The following HS6ST2 variants were observed in gnomAD, a reference collection of about 807,000 sequenced individuals.
HS6ST2 encodes the protein heparan-sulfate 6-O-sulfotransferase 2.
In HS6ST2, 17 loss-of-function variants were observed where a neutral mutation model predicts 33.0. The observed-to-expected ratio is 0.52, with a 90% CI of 0.35 to 0.77. The LOEUF (loss-of-function observed/expected upper bound fraction) is 0.77, where lower values mean the gene tolerates loss of function less well. HS6ST2 is among the 30% of genes least tolerant of loss of function. HS6ST2 has a pLI of 0.01. For synonymous variants in HS6ST2, 248 were observed against 237.1 expected, an observed-to-expected ratio of 1.05 and a Z score of -0.42; for missense variants, 519 against 551.7, an observed-to-expected ratio of 0.94 and a Z score of 0.59.
chrX:132,880,431 G>A (rs1342264386), intron 2 of HS6ST2, among the ~76,000 whole-genome samples: 1 of 108,270 alleles, frequency 9.2e-6, no homozygotes, highest in Non-Finnish European at 1.9e-5. Context: ...AGCTACTTGG[G>A]AGGCTGAGGC....
At chrX:132,909,997 C>T (rs916847478) in intron 2 of HS6ST2, among the ~76,000 whole-genome samples, 6 of 110,317 alleles carry the variant, frequency 5.4e-5, no homozygotes, top group East Asian at 2.8e-4. Context: ...ATCAGACGCC[C>T]GCACCCATCC....
intron 2 of HS6ST2, among the ~76,000 whole-genome samples, chrX:132,876,896 G>T (rs1287562710): frequency 8.9e-6 from 1 of 112,268 alleles, no homozygotes; most frequent in Non-Finnish European, 1.9e-5. Flanking sequence ...CTTCTAAAAA[G>T]CCAAGGCAGG....
At chrX:132,716,203 G>T (rs1359640564) in intron 2 of HS6ST2, among the ~76,000 whole-genome samples, 5 of 111,539 alleles carry the variant, frequency 4.5e-5, no homozygotes, top group Admixed American at 3.8e-4. Flanking sequence ...GGCATCATAA[G>T]AGTGCCCTCT....
chrX:132,912,643 T>C lies in HS6ST2; in HGVS notation c.947+44165A>G, dbSNP rs181546547. Among the ~76,000 whole-genome samples the C allele has an allele frequency of 4.2e-3, 472 of 112,074 alleles. 1 individual carries two copies. The highest frequency in any genetic ancestry group is 9.3e-3 in the Middle Eastern group (2 of 214). ...CTTCCATTTGATAAATTTTGTCCCTTTTACTGACCCATTGTAAAATCTCCC... is the reference window on the plus strand; with the variant it reads ...CTTCCATTTGATAAATTTTGTCCCTCTTACTGACCCATTGTAAAATCTCCC... On this transcript the variant is annotated intron_variant, in intron 2 of 4. Transcript: ENST00000370833.
intron 4 of HS6ST2, chrX:132,667,790 C>T (rs1184200489): frequency 8.9e-6 from 1 of 112,293 alleles, no homozygotes; most frequent in Non-Finnish European, 1.9e-5. Flanking sequence ...AAAAGAAGTT[C>T]TGCAATGCCA....
chrX:132,652,701 C>T lies in HS6ST2; in HGVS notation c.1067+16412G>A, dbSNP rs144161055. On this transcript the variant is annotated intron_variant, in intron 4 of 4. Transcript: ENST00000370833. ...TCGGTAGCAATTGAAAATACCAAGT[C>T]TAGTGTTCACCCATCAGGGCATTTT... Among the ~76,000 whole-genome samples the T allele has an allele frequency of 2.1e-3, 229 of 110,154 alleles. 11 individuals carry two copies. The East Asian group carries it at 0.051, about 25-fold the overall frequency.
At chrX:132,899,701 AG>A (rs1348999923) in intron 2 of HS6ST2, among the ~76,000 whole-genome samples, 3 of 111,841 alleles carry the variant, frequency 2.7e-5, no homozygotes, top group African/African-American at 9.7e-5. Context: ...AAGGACCAAA[AG>A]TTTTGCAAAT....
chrX:132,923,870 A>G, intron 2 of HS6ST2, among the ~76,000 whole-genome samples: 1 of 112,322 alleles, frequency 8.9e-6, no homozygotes, highest in East Asian at 2.8e-4. Flanking sequence ...TGCAATTAAA[A>G]AAACAAATCT....
intron 2 of HS6ST2, among the ~76,000 whole-genome samples, chrX:132,810,594 T>A (rs2065331994): frequency 9.0e-6 from 1 of 111,244 alleles, no homozygotes; most frequent in Non-Finnish European, 1.9e-5. Flanking sequence ...TTGCCCTCTT[T>A]GTACACCCCT....
At chrX:132,708,351 G>T in intron 3 of HS6ST2, 111 bp downstream of exon 3, 2 of 149,234 alleles carry the variant, frequency 1.3e-5, no homozygotes, top group Non-Finnish European at 2.3e-5. Context: ...ATTTGTCCAA[G>T]CCAAAAACTT....
chrX:132,715,548 G>A (rs2064265966), intron 2 of HS6ST2, among the ~76,000 whole-genome samples: 1 of 112,458 alleles, frequency 8.9e-6, no homozygotes, highest in Admixed American at 9.4e-5. Flanking sequence ...CCCTGACCCT[G>A]AGACTTTGAG....
At chrX:132,633,897 G>C (rs2063536112) in intron 4 of HS6ST2, among the ~76,000 whole-genome samples, 1 of 111,655 alleles carries the variant, frequency 9.0e-6, no homozygotes, top group East Asian at 2.8e-4. Flanking sequence ...CAACAAGAAG[G>C]GACAGCCTAT....
intron 2 of HS6ST2, among the ~76,000 whole-genome samples, chrX:132,867,376 G>T (rs1267765290): frequency 9.1e-6 from 1 of 109,584 alleles, no homozygotes; most frequent in Non-Finnish European, 1.9e-5. Flanking sequence ...GCTGGATTCG[G>T]TTTGCCAGTA....
At position 132,637,929 on chromosome X, in the gene HS6ST2, T is replaced by TTATATATATTTTATATATAATA. The variant is rs1324355197; in HGVS notation, c.1068-8837_1068-8836insTATTATATATAAAATATATATA. Reference sequence around the variant, plus strand: ...TTATATATAATATTTTATATATATATTATATATAATATTTTATATATAATA... The same window carrying TTATATATATTTTATATATAATA: ...TTATATATAATATTTTATATATATATTATATATATTTTATATATAATATATATATAATATTTTATATATAATA... On this transcript the variant is annotated intron_variant, in intron 4 of 4. Coordinates refer to ENST00000370833, the MANE Select transcript of HS6ST2 (RefSeq NM_001394073.1). Among the ~76,000 whole-genome samples, 139 of 63,503 alleles carry TTATATATATTTTATATATAATA rather than the reference T, an allele frequency of 2.2e-3. 1 individual carries two copies. The highest frequency in any genetic ancestry group is 8.0e-3 in the Middle Eastern group (1 of 125). The allele number at this position is 63,503 out of a possible 115,157, so 55.1% of individuals were successfully genotyped here.
At chrX:132,851,754 A>C (rs779784696) in intron 2 of HS6ST2, among the ~76,000 whole-genome samples, 5 of 112,043 alleles carry the variant, frequency 4.5e-5, no homozygotes, top group African/African-American at 1.6e-4. Context: ...CTTCACATCC[A>C]ATCCTCCTCC....
intron 4 of HS6ST2, among the ~76,000 whole-genome samples, chrX:132,663,043 C>A (rs1236630451): frequency 1.8e-5 from 2 of 111,671 alleles, no homozygotes; most frequent in East Asian, 5.6e-4. Context: ...ACTATGAGAG[C>A]CTTACTTAGT....
At chrX:132,958,766 T>G (rs778581426), upstream of HS6ST2, 2 of 450,553 alleles carry the variant, frequency 4.4e-6, no homozygotes, top group East Asian at 8.0e-5. Flanking sequence ...CACTCCACTT[T>G]GGCTCGTAAT....
chrX:132,678,138 G>A (rs1036386616), intron 3 of HS6ST2, among the ~76,000 whole-genome samples: 9 of 111,792 alleles, frequency 8.1e-5, no homozygotes, highest in Non-Finnish European at 1.3e-4. Flanking sequence ...AGGATTGTTT[G>A]CGCTCAGGAG....
chrX:132,946,996 T>C (rs1418125757), intron 2 of HS6ST2, among the ~76,000 whole-genome samples: 1 of 111,652 alleles, frequency 9.0e-6, no homozygotes, highest in African/African-American at 3.3e-5. Context: ...CTTACAAATA[T>C]AGCAAACTAC....
Sources: allele counts gnomAD v4.1 joint callset (sites outside exome capture counted in the v4.1 genomes callset), GRCh38; gene constraint gnomAD v4.1.1; transcripts MANE v1.5; gene names NCBI Gene and HGNC (gene_info 2026-07-23, HGNC 2026-07-21).